Variants in MANF observed in about 807,000 individuals in gnomAD.
MANF encodes the protein mesencephalic astrocyte-derived neurotrophic factor.
MANF carries 9 observed loss-of-function variants against 19.1 expected under a neutral mutation model. The observed-to-expected ratio is 0.47, with a 90% CI of 0.28 to 0.82. The LOEUF (loss-of-function observed/expected upper bound fraction) is 0.82, where lower values mean the gene tolerates loss of function less well. MANF is among the 40% of genes least tolerant of loss of function. MANF has a pLI of 0.10. For missense variants in MANF, 225 were observed against 226.7 expected (o/e 0.99, Z 0.05); for synonymous variants, 89 against 88.0 (o/e 1.01, Z -0.06).
Position 51,388,020 on chromosome 3 carries a change from A to C in MANF, c.364+142A>C, listed in dbSNP as rs568245036. Reference sequence around the variant, plus strand: ...GTGCTAAATGCTGGAGGGCTCTGGCATGGAAGTGGGTGGAGGTCAGAATAG... The same window carrying C: ...GTGCTAAATGCTGGAGGGCTCTGGCCTGGAAGTGGGTGGAGGTCAGAATAG... On this transcript the variant is annotated intron_variant, in intron 3 of 3. Coordinates refer to ENST00000528157, the MANE Select transcript of MANF (RefSeq NM_006010.6). The C allele has an allele frequency of 1.7e-3, 1,400 of 817,312 alleles. 4 individuals carry two copies. Among genetic ancestry groups the C allele is most frequent in the Non-Finnish European group, 2.5e-3 (1,304 of 520,764 alleles). 50.6% of individuals were successfully genotyped at this position (817,312 alleles called of 1,614,324 possible).
rs782669812 is a variant in MANF, at chr3:51,389,014, T to G, written c.474T>G (p.Ser158=). The G allele has an allele frequency of 6.2e-7, 1 of 1,611,846 alleles. No homozygotes were observed. The highest frequency in any genetic ancestry group is 8.5e-7 in the Non-Finnish European group (1 of 1,178,952). Residue 158 remains serine, a synonymous_variant, in exon 4 of 4, where the codon TCT becomes TCG. Transcript: ENST00000528157. The part of the protein sequence containing the change: ...GETCKGCAEK[S]DYIRKINELM... ...CATGCAAAGGCTGTGCAGAAAAGTC[T>G]GACTACATCCGGAAGATAAATGAAC...
chr3:51,389,146 A>G lies in MANF; in HGVS notation c.*57A>G, dbSNP rs1338216403. On this transcript the variant is annotated 3_prime_UTR_variant, in exon 4 of 4. Transcript: ENST00000528157. ...AAAAACAGTTCAACTGCTTACTCCC[A>G]AAACAGCCTTTTTGTAATTTATTTT... 6.8e-7 allele frequency: 1 copy of G among 1,480,252 alleles called. No individual in the cohort carries two copies. The highest frequency in any genetic ancestry group is 1.4e-5 in the African/African-American group (1 of 70,782). 91.7% of individuals were successfully genotyped at this position (1,480,252 alleles called of 1,614,324 possible). A position where few individuals can be genotyped will look rare whatever the true frequency, so the allele number is the denominator to read the frequency against.
intron 2 of MANF, chr3:51,387,062 C>T (rs1553620998): frequency 1.7e-5 from 7 of 408,484 alleles, no homozygotes; most frequent in African/African-American, 6.2e-5. Context: ...GTGGCTCATG[C>T]CTGTCTTCCT....
chr3:51,385,723 C>A (rs2088946258), intron 1 of MANF: 2 of 329,722 alleles, frequency 6.1e-6, no homozygotes, highest in Non-Finnish European at 1.1e-5. Context: ...CCACCACCAT[C>A]TAGAGGTTAC....
chr3:51,385,306 G>A lies in MANF; in HGVS notation c.-37G>A, dbSNP rs782447153. On this transcript the variant is annotated 5_prime_UTR_variant, in exon 1 of 4. Transcript: ENST00000528157. The stretch of plus-strand genomic sequence containing the variant: ...GGTGCGGTTCAGTCGGTCGGCGGCG[G>A]CAGCGGAGGAGGAGGAGGAGGAGGA... The A allele has an allele frequency of 2.2e-4, 267 of 1,193,662 alleles. No homozygotes were observed. In the South Asian group the frequency reaches 3.4e-3, roughly 15 times the overall value. 73.9% of individuals were successfully genotyped at this position (1,193,662 alleles called of 1,614,324 possible). A position where few individuals can be genotyped will look rare whatever the true frequency, so the allele number is the denominator to read the frequency against.
chr3:51,388,974 A>G lies in MANF; in HGVS notation c.434A>G (p.Asp145Gly). 1 of 1,604,168 alleles carries G rather than the reference A, an allele frequency of 6.2e-7. No homozygotes were observed. The highest frequency in any genetic ancestry group is 2.2e-5 in the East Asian group (1 of 44,574). ...GTTAAAGAGCTGAAGAAGATTCTGG[A>G]TGACTGGGGGGAGACATGCAAAGGC... ...LRVKELKKIL[D>G]DWGETCKGCA... The change falls in exon 4 of 4, where the codon GAT (aspartate) becomes GGT (glycine). Residue 145 changes from aspartate to glycine, a missense_variant. By Grantham distance (94) the Asp-to-Gly change is moderately conservative. Coordinates refer to ENST00000528157, the MANE Select transcript of MANF (RefSeq NM_006010.6).
chr3:51,385,317 G>A lies in MANF; in HGVS notation c.-26G>A, dbSNP rs1577015223. On this transcript the variant is annotated 5_prime_UTR_variant, in exon 1 of 4. Coordinates refer to ENST00000528157, the MANE Select transcript of MANF (RefSeq NM_006010.6). ...GTCGGTCGGCGGCGGCAGCGGAGGA[G>A]GAGGAGGAGGAGGAGGATGAGGAGG... is the stretch of plus-strand genomic sequence containing the variant. 1 of 1,200,870 alleles carries A rather than the reference G, an allele frequency of 8.3e-7. No individual in the cohort carries two copies. Among genetic ancestry groups the A allele is most frequent in the Non-Finnish European group, 1.0e-6 (1 of 966,938 alleles). The allele number at this position is 1,200,870 out of a possible 1,614,324, so 74.4% of individuals were successfully genotyped here. A position where few individuals can be genotyped will look rare whatever the true frequency, so the allele number is the denominator to read the frequency against.
At chr3:51,388,073 A>C (rs1166372612) in intron 3 of MANF, among the ~76,000 whole-genome samples, 195 bp downstream of exon 3, 3 of 152,196 alleles carry the variant, frequency 2.0e-5, no homozygotes, top group African/African-American at 4.8e-5. Flanking sequence ...ATATTTCAGC[A>C]AACTTTGAAG....
In MANF at chr3:51,389,079, C is replaced by CTG. The variant is rs782297156; in HGVS notation, c.539_540insTG (p.Asp181AlafsTer12). On this transcript the variant is annotated frameshift_variant, in exon 4 of 4. Transcript: ENST00000528157. LOFTEE classifies it high-confidence loss of function. Reference sequence around the variant, plus strand: ...GCCCCCAAGGCAGCCAGTGCACGGACCGATTTGTAGTCTGCTCAATCTCTG... The same window carrying CTG: ...GCCCCCAAGGCAGCCAGTGCACGGACTGCGATTTGTAGTCTGCTCAATCTCTG... 1.9e-6 allele frequency: 3 copies of CTG among 1,611,836 alleles called. No homozygotes were observed. The highest frequency in any genetic ancestry group is 2.5e-6 in the Non-Finnish European group (3 of 1,179,064).
chr3:51,386,444 ACTCT>A, intron 2 of MANF, 109 bp downstream of exon 2: 2 of 1,217,108 alleles, frequency 1.6e-6, no homozygotes, highest in Middle Eastern at 2.5e-4. Flanking sequence ...GAAGCCAGCT[ACTCT>A]CTCCATAAAC....
intron 3 of MANF, 54 bp from the exon 4 acceptor site, chr3:51,388,851 G>A (rs1157758933): frequency 1.5e-6 from 2 of 1,364,736 alleles, no homozygotes; most frequent in Non-Finnish European, 2.0e-6. Context: ...TGGGACTACT[G>A]GGGGACTGCA....
rs781965226 is a variant in MANF at position 51,387,811 on chromosome 3, C to T, written c.297C>T (p.His99=). ...INEVSKPLAH[H]IPVEKICEKL... ...AGGTATCAAAGCCTCTGGCCCACCA[C>T]ATCCCTGTGGAGAAGATCTGTGAGA... Residue 99 remains histidine (H), a synonymous_variant, in exon 3 of 4, where the codon CAC becomes CAT. Coordinates refer to ENST00000528157, the MANE Select transcript of MANF (RefSeq NM_006010.6). 6.2e-7 allele frequency: 1 copy of T among 1,613,600 alleles called. No homozygotes were observed. The highest frequency in any genetic ancestry group is 1.3e-5 in the African/African-American group (1 of 75,072).
At position 51,389,174 on chromosome 3, in the gene MANF, A is replaced by C; in HGVS notation, c.*85A>C. 2.4e-6 allele frequency: 3 copies of C among 1,226,106 alleles called. No homozygotes were observed. Among genetic ancestry groups the C allele is most frequent in the Middle Eastern group, 2.2e-4 (1 of 4,454 alleles). The allele number at this position is 1,226,106 out of a possible 1,614,324, so 76.0% of individuals were successfully genotyped here. ...ACAGCCTTTTTGTAATTTATTTTTT[A>C]AGTGGGCTCCTGACAATACTGTATC... On this transcript the variant is annotated 3_prime_UTR_variant, in exon 4 of 4. Coordinates refer to ENST00000528157, the MANE Select transcript of MANF (RefSeq NM_006010.6).
At chr3:51,386,167 C>T (rs1553620860) in intron 1 of MANF, 41 bp from the exon 2 acceptor site, 1 of 1,608,882 alleles carries the variant, frequency 6.2e-7, no homozygotes, top group Middle Eastern at 1.7e-4. Flanking sequence ...ATTGGAACAG[C>T]TTGGTGATTG....
Position 51,389,032 on chromosome 3 carries a change from A to G in MANF, c.492A>G (p.Ile164Met). Residue 164 changes from isoleucine (I) to methionine (M), a missense_variant, in exon 4 of 4, where the codon ATA becomes ATG. Coordinates refer to ENST00000528157, the MANE Select transcript of MANF (RefSeq NM_006010.6). ...CAEKSDYIRK[I>M]NELMPKYAPK... ...AAAAGTCTGACTACATCCGGAAGAT[A>G]AATGAACTGATGCCTAAATATGCCC... is the stretch of plus-strand genomic sequence containing the variant. 6.2e-7 allele frequency: 1 copy of G among 1,612,638 alleles called. No homozygotes were observed. The highest frequency in any genetic ancestry group is 8.5e-7 in the Non-Finnish European group (1 of 1,179,318).
intron 2 of MANF, 120 bp downstream of exon 2, chr3:51,386,455 A>C: frequency 9.1e-7 from 1 of 1,096,478 alleles, no homozygotes; most frequent in Non-Finnish European, 1.3e-6. Flanking sequence ...CTCTCTCCAT[A>C]AACTAATGTG....
At chr3:51,388,871 C>T in intron 3 of MANF, 34 bp from the exon 4 acceptor site, 1 of 1,504,958 alleles carries the variant, frequency 6.6e-7, no homozygotes, top group South Asian at 1.3e-5. Context: ...AGGTGCTCCA[C>T]CCAGTCAGTG....
intron 1 of MANF, chr3:51,385,717 C>T (rs1553620788): frequency 3.0e-6 from 1 of 333,844 alleles, no homozygotes; most frequent in African/African-American, 2.1e-5. Context: ...TTGTCCCCAC[C>T]ACCATCTAGA....
Position 51,388,910 on chromosome 3 carries a change from C to G in MANF, c.370C>G (p.Gln124Glu). The G allele has an allele frequency of 6.4e-7, 1 of 1,566,928 alleles. No homozygotes were observed. Among genetic ancestry groups the G allele is most frequent in the African/African-American group, 1.4e-5 (1 of 73,568 alleles). ...CTCCCTGCTCTCTCCTCCAGACAAGCAGATCGACCTGAGCACAGTGGACCT... is the reference window on the plus strand; with the variant it reads ...CTCCCTGCTCTCTCCTCCAGACAAGGAGATCGACCTGAGCACAGTGGACCT... Reference protein sequence around the residue: ...SQICELKYDKQIDLSTVDLKK... With the variant: ...SQICELKYDKEIDLSTVDLKK... Residue 124 changes from glutamine (Q) to glutamate (E), a missense_variant, in exon 4 of 4, where the codon CAG (glutamine) becomes GAG (glutamate). Transcript: ENST00000528157.
Sources: allele counts gnomAD v4.1 joint callset (sites outside exome capture counted in the v4.1 genomes callset), GRCh38; gene constraint gnomAD v4.1.1; transcripts MANE v1.5; gene names NCBI Gene and HGNC (gene_info 2026-07-23, HGNC 2026-07-21).